The following PDIA5 variants were observed in gnomAD, a reference collection of about 807,000 sequenced individuals.
PDIA5 encodes protein disulfide isomerase family A member 5.
A neutral mutation model predicts 77.6 loss-of-function variants in PDIA5; 58 were observed. The ratio of observed to expected loss-of-function variants is 0.75; its 90% confidence interval spans 0.61 to 0.93. The LOEUF (loss-of-function observed/expected upper bound fraction) is 0.93, where lower values mean the gene tolerates loss of function less well. Ranked by LOEUF, PDIA5 falls within the 40% of genes least tolerant of loss-of-function variation. The pLI is 0.00. For missense variants in PDIA5, 630 were observed against 647.7 expected, an observed-to-expected ratio of 0.97 and a Z score of 0.30; for synonymous variants, 250 against 252.1, an observed-to-expected ratio of 0.99 and a Z score of 0.08.
chr3:123,097,468 A>G (rs1167087641), intron 3 of PDIA5, among the ~76,000 whole-genome samples: 1 of 152,138 alleles, frequency 6.6e-6, no homozygotes, highest in Non-Finnish European at 1.5e-5. Context: ...GGCACGTACC[A>G]AGGGAAACAG....
At chr3:123,098,330 C>A in intron 3 of PDIA5, among the ~76,000 whole-genome samples, 1 of 152,260 alleles carries the variant, frequency 6.6e-6, no homozygotes, top group East Asian at 1.9e-4. Flanking sequence ...CCCCACCCTC[C>A]GACCCCGCCG....
chr3:123,152,669 T>C (rs1245108862), intron 14 of PDIA5, among the ~76,000 whole-genome samples: 3 of 152,228 alleles, frequency 2.0e-5, no homozygotes, highest in Middle Eastern at 3.4e-3. Flanking sequence ...ACGTTCCTGC[T>C]CCCCTTCTAG....
At chr3:123,110,873 G>C in intron 6 of PDIA5, 71 bp from the exon 7 acceptor site, 1 of 1,220,570 alleles carries the variant, frequency 8.2e-7, no homozygotes, top group Non-Finnish European at 1.2e-6. Context: ...TATGCAGGAG[G>C]GGCGGGGAGG....
At chr3:123,069,772 T>G (rs539828943) in intron 1 of PDIA5, among the ~76,000 whole-genome samples, 7 of 152,168 alleles carry the variant, frequency 4.6e-5, no homozygotes, top group Middle Eastern at 3.4e-3. Context: ...TTTTAACATA[T>G]GAATTTTCAG....
chr3:123,067,475 C>G, intron 1 of PDIA5: 1 of 384,900 alleles, frequency 2.6e-6, no homozygotes, highest in Non-Finnish European at 4.6e-6. Context: ...TACGCCACGG[C>G]CACAACTTTG....
At chr3:123,123,980 G>T in intron 8 of PDIA5, 86 bp from the exon 9 acceptor site, 1 of 847,722 alleles carries the variant, frequency 1.2e-6, no homozygotes, top group East Asian at 2.4e-5. Flanking sequence ...TCTTTCTGGT[G>T]GGACAGCAGC....
chr3:123,094,653 A>T (rs1934386543), intron 3 of PDIA5, among the ~76,000 whole-genome samples: 1 of 152,238 alleles, frequency 6.6e-6, no homozygotes, highest in African/African-American at 2.4e-5. Flanking sequence ...ACACCCAGGG[A>T]TGGGCAGAAG....
At chr3:123,127,263 T>G (rs1935262457) in intron 10 of PDIA5, among the ~76,000 whole-genome samples, 1 of 152,182 alleles carries the variant, frequency 6.6e-6, no homozygotes, top group Non-Finnish European at 1.5e-5. Flanking sequence ...ATCAGTCGCA[T>G]GAAGGCAGAT....
intron 2 of PDIA5, among the ~76,000 whole-genome samples, chr3:123,089,943 G>A (rs967990029): frequency 7.2e-5 from 11 of 152,254 alleles, no homozygotes; most frequent in Admixed American, 6.5e-4. Flanking sequence ...TGACTTTGGG[G>A]GAGGGTGAAC....
At chr3:123,077,517 C>T (rs1933884651) in intron 1 of PDIA5, among the ~76,000 whole-genome samples, 1 of 151,564 alleles carries the variant, frequency 6.6e-6, no homozygotes, top group Non-Finnish European at 1.5e-5. Flanking sequence ...TCTCACATCC[C>T]AGGGCCAGCC....
At chr3:123,149,628 C>T (rs550930610) in intron 13 of PDIA5, among the ~76,000 whole-genome samples, 11 of 152,278 alleles carry the variant, frequency 7.2e-5, no homozygotes, top group Middle Eastern at 6.8e-3. Flanking sequence ...AGCATCTAGG[C>T]TCTCAGTAAA....
intron 1 of PDIA5, among the ~76,000 whole-genome samples, chr3:123,071,526 A>G (rs1034203013): frequency 1.3e-5 from 2 of 152,218 alleles, no homozygotes; most frequent in Non-Finnish European, 2.9e-5. Context: ...TGAGGACTGA[A>G]TTGCCATTTA....
rs530779026 is a variant in PDIA5, at chr3:123,068,553, A to G, written c.42+1347A>G. Among the ~76,000 whole-genome samples the G allele has an allele frequency of 6.6e-5, 10 of 152,316 alleles. No homozygotes were observed. In the South Asian group the frequency reaches 2.1e-3, roughly 32 times the overall value. On this transcript the variant is annotated intron_variant, in intron 1 of 16. Coordinates refer to ENST00000316218, the MANE Select transcript of PDIA5 (RefSeq NM_006810.4). ...GTCTCTGGGCCAGGAGGAGGGAGCTATCTCCTGAAACGCCCCCCATCGGTC... is the reference window on the plus strand; with the variant it reads ...GTCTCTGGGCCAGGAGGAGGGAGCTGTCTCCTGAAACGCCCCCCATCGGTC...
intron 8 of PDIA5, among the ~76,000 whole-genome samples, chr3:123,117,774 T>C (rs1935029980): frequency 6.6e-6 from 1 of 152,144 alleles, no homozygotes; most frequent in Non-Finnish European, 1.5e-5. Flanking sequence ...AATGCTGCAA[T>C]GAACATGGGT....
At chr3:123,156,588 A>G (rs568849783) in intron 15 of PDIA5, among the ~76,000 whole-genome samples, 6 of 152,320 alleles carry the variant, frequency 3.9e-5, no homozygotes, top group African/African-American at 1.4e-4. Flanking sequence ...ATTGACGTCC[A>G]TCACGTGCCA....
intron 3 of PDIA5, among the ~76,000 whole-genome samples, chr3:123,093,661 C>T (rs1244149049): frequency 2.0e-5 from 3 of 152,198 alleles, no homozygotes; most frequent in Non-Finnish European, 4.4e-5. Context: ...AGATGGATAA[C>T]TGCATCCTCA....
In PDIA5 at chr3:123,089,243, A is replaced by G; in HGVS notation, c.118A>G (p.Lys40Glu). 1 of 1,614,182 alleles carries G rather than the reference A, an allele frequency of 6.2e-7. No individual in the cohort carries two copies. Among genetic ancestry groups the G allele is most frequent in the Non-Finnish European group, 8.5e-7 (1 of 1,179,958 alleles). The change falls in exon 2 of 17, where the codon AAA (lysine) becomes GAA (glutamate). Residue 40 changes from lysine (K) to glutamate (E), a missense_variant. By Grantham distance (56) the Lys-to-Glu change is moderately conservative (BLOSUM62 1). Coordinates refer to ENST00000316218, the MANE Select transcript of PDIA5 (RefSeq NM_006810.4). ...IERISDPKDL[K>E]KLLRTRNNVL... The stretch of plus-strand genomic sequence containing the variant: ...GAGAATCTCTGACCCCAAGGACTTG[A>G]AAAAACTGCTCAGAACCCGGAATAA...
chr3:123,130,677 T>C, intron 11 of PDIA5, 61 bp downstream of exon 11: 1 of 1,576,488 alleles, frequency 6.3e-7, no homozygotes, highest in Admixed American at 1.7e-5. Context: ...AGGATGAGTG[T>C]GGCGCTTTGC....
At position 123,110,850 on chromosome 3, in the gene PDIA5, C is replaced by A. The variant is rs1429291025; in HGVS notation, c.481-94C>A. The A allele has an allele frequency of 2.9e-6, 3 of 1,031,610 alleles. No individual in the cohort carries two copies. The East Asian group carries it at 7.1e-5, about 24-fold the overall frequency. 63.9% of individuals were successfully genotyped at this position (1,031,610 alleles called of 1,614,324 possible). On this transcript the variant is annotated intron_variant, in intron 6 of 16. Coordinates refer to ENST00000316218, the MANE Select transcript of PDIA5 (RefSeq NM_006810.4). ...TCCCCCTCCCCTCCCCATCCCTACC[C>A]TTCACCCTGCTGTATGCAGGAGGGG...
Sources: allele counts gnomAD v4.1 joint callset (sites outside exome capture counted in the v4.1 genomes callset), GRCh38; gene constraint gnomAD v4.1.1; transcripts MANE v1.5; gene names NCBI Gene and HGNC (gene_info 2026-07-23, HGNC 2026-07-21).